MGAT4C: variants seen among roughly 807,000 people sequenced by gnomAD.
MGAT4C encodes alpha-1,3-mannosyl-glycoprotein 4-beta-N-acetylglucosaminyltransferase C.
A neutral mutation model predicts 40.1 loss-of-function variants in MGAT4C; 19 were observed. That is an observed-to-expected ratio of 0.47 (90% confidence interval 0.33 to 0.70). MGAT4C has a LOEUF of 0.70. MGAT4C is among the 30% of genes least tolerant of loss of function. The probability of loss-of-function intolerance (pLI) is 0.02; values close to 1 mark genes in which losing one functional copy is unlikely to be tolerated. For missense variants in MGAT4C, 491 were observed against 563.2 expected, an observed-to-expected ratio of 0.87 and a Z score of 1.30; for synonymous variants, 181 against 187.1, an observed-to-expected ratio of 0.97 and a Z score of 0.27.
intron 1 of MGAT4C, among the ~76,000 whole-genome samples, chr12:86,784,760 A>C (rs1232074280): frequency 6.6e-6 from 1 of 152,036 alleles, no homozygotes; most frequent in Non-Finnish European, 1.5e-5. Context: ...AGCTAATCTT[A>C]ATCTTAGAAA....
At chr12:86,313,147 A>AT (rs147066316) in intron 4 of MGAT4C, among the ~76,000 whole-genome samples, 35 of 152,138 alleles carry the variant, frequency 2.3e-4, no homozygotes, top group African/African-American at 6.3e-4. Context: ...AAAAGACAGT[A>AT]TTTTTTTTAA....
intron 3 of MGAT4C, among the ~76,000 whole-genome samples, chr12:86,378,525 CA>C (rs1955872899): frequency 6.6e-6 from 1 of 152,008 alleles, no homozygotes. Flanking sequence ...AAAAAAAGAG[CA>C]AACACGATGA....
rs1364879081 is a variant in MGAT4C at position 85,977,302 on chromosome 12, A to C, written c.*1987T>G. The C allele has an allele frequency of 6.6e-6, 1 of 151,462 alleles. No homozygotes were observed. Among genetic ancestry groups the C allele is most frequent in the Non-Finnish European group, 1.5e-5 (1 of 67,522 alleles). The allele number at this position is 151,462 out of a possible 1,614,324, so 9.4% of individuals were successfully genotyped here. ...CAATTGTGTACCTTTTATCATTGAC[A>C]GTGAAGAAAATAATGCCATTTGTAA... On this transcript the variant is annotated 3_prime_UTR_variant, in exon 5 of 5. Coordinates refer to ENST00000611864, the MANE Select transcript of MGAT4C (RefSeq NM_001351288.2).
At chr12:86,765,733 T>A (rs1951493818) in intron 1 of MGAT4C, among the ~76,000 whole-genome samples, 1 of 152,302 alleles carries the variant, frequency 6.6e-6, no homozygotes, top group Non-Finnish European at 1.5e-5. Flanking sequence ...AAGAAAAGAA[T>A]ATTCAACCCA....
intron 1 of MGAT4C, among the ~76,000 whole-genome samples, chr12:86,092,762 G>T (rs546361655): frequency 6.6e-6 from 1 of 152,196 alleles, no homozygotes; most frequent in East Asian, 1.9e-4. Flanking sequence ...GCAGGGCATA[G>T]GCCTCTAAAG....
chr12:85,997,788 G>A (rs575049664), intron 2 of MGAT4C, among the ~76,000 whole-genome samples: 50 of 152,304 alleles, frequency 3.3e-4, no homozygotes, highest in South Asian at 8.3e-4. Context: ...CTCCCTTCAG[G>A]CTGCCTTCAT....
rs1201253395 is a variant in MGAT4C at position 85,979,726 on chromosome 12, A to C, written c.1000T>G (p.Ser334Ala). 1 of 1,613,138 alleles carries C rather than the reference A, an allele frequency of 6.2e-7. No homozygotes were observed. Among genetic ancestry groups the C allele is most frequent in the South Asian group, 1.1e-5 (1 of 91,046 alleles). The change falls in exon 5 of 5, where the codon TCA becomes GCA. Residue 334 changes from serine (S) to alanine (A), a missense_variant. Ser to Ala is a moderately conservative substitution (Grantham distance 99, BLOSUM62 1). Coordinates refer to ENST00000611864, the MANE Select transcript of MGAT4C (RefSeq NM_001351288.2). ...GGGGGGTTATCAGGAATGTCAAATGACTCCTCTTCAAAATCATCATCCTTC... is the reference window on the plus strand; with the variant it reads ...GGGGGGTTATCAGGAATGTCAAATGCCTCCTCTTCAAAATCATCATCCTTC... ...KLKDDDFEEE[S>A]FDIPDNPPAS...
chr12:86,306,154 G>C (rs1198992978), intron 4 of MGAT4C, among the ~76,000 whole-genome samples: 1 of 150,238 alleles, frequency 6.7e-6, no homozygotes, highest in African/African-American at 2.5e-5. Flanking sequence ...AGATCTGGCA[G>C]TGTCCTATAA....
At chr12:86,444,701 C>A (rs1957302019) in intron 2 of MGAT4C, among the ~76,000 whole-genome samples, 1 of 152,090 alleles carries the variant, frequency 6.6e-6, no homozygotes, top group African/African-American at 2.4e-5. Flanking sequence ...ATGTTTTATT[C>A]TAACAAAAAT....
chr12:86,194,081 T>C (rs1889825847), intron 1 of MGAT4C, among the ~76,000 whole-genome samples: 2 of 152,138 alleles, frequency 1.3e-5, no homozygotes, highest in Admixed American at 1.3e-4. Flanking sequence ...TTTTTTCTGT[T>C]ATCTACTCTA....
At chr12:86,282,197 A>G (rs1273910217) in intron 4 of MGAT4C, among the ~76,000 whole-genome samples, 1 of 152,130 alleles carries the variant, frequency 6.6e-6, no homozygotes, top group African/African-American at 2.4e-5. Flanking sequence ...CTGGAATCCC[A>G]GTGACACATA....
intron 2 of MGAT4C, among the ~76,000 whole-genome samples, chr12:86,670,791 A>C (rs946455795): frequency 1.3e-5 from 2 of 152,212 alleles, no homozygotes; most frequent in African/African-American, 4.8e-5. Flanking sequence ...ATGCTAAAGA[A>C]AAAATCTTAA....
At chr12:86,631,242 A>C (rs1010236859) in intron 2 of MGAT4C, among the ~76,000 whole-genome samples, 1 of 152,174 alleles carries the variant, frequency 6.6e-6, no homozygotes. Context: ...CCACTGCTCA[A>C]TGAAATAAAG....
At chr12:86,603,458 A>ATATACTATATATAGTCTATAGAC (rs1961875086) in intron 2 of MGAT4C, among the ~76,000 whole-genome samples, 3 of 117,542 alleles carry the variant, frequency 2.6e-5, no homozygotes, top group African/African-American at 1.2e-4. Context: ...TATAGACTAT[A>ATATACTATATATAGTCTATAGAC]TAATATATAC....
chr12:86,587,080 T>C (rs927468984), intron 2 of MGAT4C, among the ~76,000 whole-genome samples: 1 of 152,056 alleles, frequency 6.6e-6, no homozygotes, highest in South Asian at 2.1e-4. Context: ...GTTTTTATGG[T>C]TTTAGGTCTA....
intron 2 of MGAT4C, among the ~76,000 whole-genome samples, chr12:86,667,337 A>C (rs1964135841): frequency 6.6e-6 from 1 of 152,216 alleles, no homozygotes; most frequent in Admixed American, 6.5e-5. Flanking sequence ...ACATTAGCCA[A>C]GTACAAATGC....
At position 86,726,127 on chromosome 12, in the gene MGAT4C, C is replaced by A. The variant is rs1387021349; in HGVS notation, c.-229+1082G>T. ...CAGATAATTACAACAGAAACATCAT[C>A]TATCATTTGACAAAAGACAGTTTAA... On this transcript the variant is annotated intron_variant, in intron 2 of 7. Transcript: ENST00000548651. 5.9e-5 allele frequency among the ~76,000 whole-genome samples: 9 copies of A among 152,258 alleles called. No individual in the cohort carries two copies. The South Asian group carries it at 1.7e-3, about 28-fold the overall frequency.
chr12:86,501,480 C>A (rs1278670649), intron 2 of MGAT4C, among the ~76,000 whole-genome samples: 2 of 150,866 alleles, frequency 1.3e-5, no homozygotes, highest in African/African-American at 4.9e-5. Flanking sequence ...TTTCCTAATG[C>A]TCTTCCCCCG....
chr12:86,294,371 T>C (rs2136131705), intron 4 of MGAT4C, among the ~76,000 whole-genome samples: 1 of 152,230 alleles, frequency 6.6e-6, no homozygotes, highest in Non-Finnish European at 1.5e-5. Flanking sequence ...TCCTTTTTTT[T>C]TTTAATCTAA....
Sources: allele counts gnomAD v4.1 joint callset (sites outside exome capture counted in the v4.1 genomes callset), GRCh38; gene constraint gnomAD v4.1.1; transcripts MANE v1.5; gene names NCBI Gene and HGNC (gene_info 2026-07-23, HGNC 2026-07-21).